KDM5A: variants seen among roughly 807,000 people sequenced by gnomAD.
The protein encoded by KDM5A is lysine-specific demethylase 5A.
KDM5A carries 42 observed loss-of-function variants against 193.5 expected under a neutral mutation model. The ratio of observed to expected loss-of-function variants is 0.22; its 90% CI spans 0.17 to 0.28. The LOEUF is 0.28. KDM5A is among the 10% of genes least tolerant of loss of function. The pLI, the probability that KDM5A is intolerant of heterozygous loss-of-function variation, is 1.00. For missense variants in KDM5A, 1,692 were observed against 2,055.1 expected, an observed-to-expected ratio of 0.82 and a Z score of 3.42; for synonymous variants, 796 against 718.1, an observed-to-expected ratio of 1.11 and a Z score of -1.73.
At chr12:388,903 C>A (rs1000067097) in intron 1 of KDM5A, 24 bp downstream of exon 1, 2 of 1,613,626 alleles carry the variant, frequency 1.2e-6, no homozygotes, top group Admixed American at 3.3e-5. Context: ...CCTTCTCCCC[C>A]TCTCTCTTCA....
At chr12:288,274 T>G (rs2137358407) in intron 27 of KDM5A, among the ~76,000 whole-genome samples, 1 of 152,302 alleles carries the variant, frequency 6.6e-6, no homozygotes, top group South Asian at 2.1e-4. Context: ...ACACAGAATT[T>G]GGATAACTGT....
chr12:371,514 C>T (rs1159025556), intron 3 of KDM5A, among the ~76,000 whole-genome samples: 1 of 152,056 alleles, frequency 6.6e-6, no homozygotes, highest in Non-Finnish European at 1.5e-5. Context: ...AGCCCTTTGT[C>T]AGATGAGTAG....
chr12:334,381 G>A lies in KDM5A; in HGVS notation c.1350C>T (p.Val450=). 6.2e-7 allele frequency: 1 copy of A among 1,613,962 alleles called. No homozygotes were observed. The highest frequency in any genetic ancestry group is 1.1e-5 in the South Asian group (1 of 91,084). ...LSGWNLNNMP[V]LEQSVLAHIN... ...TATGTGCAAGAACAGACTGTTCCAG[G>A]ACAGGCATGTTATTCAAATTCCAAC... The change falls in exon 11 of 28, where the codon GTC becomes GTT. Residue 450 remains valine (V), a synonymous_variant. Transcript: ENST00000399788.
At position 354,250 on chromosome 12, in the gene KDM5A, TAAATG is replaced by T. The variant is rs775460435; in HGVS notation, c.871-21_871-17del. 4.6e-6 allele frequency: 7 copies of T among 1,535,994 alleles called. No homozygotes were observed. Among genetic ancestry groups the T allele is most frequent in the Non-Finnish European group, 3.6e-6 (4 of 1,115,810 alleles). The stretch of plus-strand genomic sequence containing the variant: ...AGAGATCAACCTGTTAAAAAAAAAA[TAAATG>T]AAAGTCTATTTTCTATAATAAATAA... On this transcript the variant is annotated splice_polypyrimidine_tract_variant and intron_variant, in intron 7 of 27. Transcript: ENST00000399788.
At chr12:381,381 G>A (rs1944570977) in intron 3 of KDM5A, among the ~76,000 whole-genome samples, 1 of 151,978 alleles carries the variant, frequency 6.6e-6, no homozygotes, top group Non-Finnish European at 1.5e-5. Context: ...CAAAGTGCTG[G>A]GATTACAGGC....
chr12:323,270 C>T, intron 15 of KDM5A, 64 bp from the exon 16 acceptor site: 1 of 1,181,704 alleles, frequency 8.5e-7, no homozygotes, highest in Non-Finnish European at 1.1e-6. Flanking sequence ...CAAAAACCAA[C>T]AATAACTTAA....
At chr12:368,231 C>T (rs1944381449) in intron 3 of KDM5A, among the ~76,000 whole-genome samples, 1 of 152,080 alleles carries the variant, frequency 6.6e-6, no homozygotes, top group African/African-American at 2.4e-5. Flanking sequence ...AGACAGAAAG[C>T]ATAATAGAAG....
chr12:324,148 T>G (rs1943755889), intron 14 of KDM5A, among the ~76,000 whole-genome samples: 1 of 151,908 alleles, frequency 6.6e-6, no homozygotes, highest in African/African-American at 2.4e-5. Context: ...ACAAAAAAAT[T>G]TTTAAACATT....
At position 323,682 on chromosome 12, in the gene KDM5A, A is replaced by G; in HGVS notation, c.2068T>C (p.Cys690Arg). 1 of 1,614,180 alleles carries G rather than the reference A, an allele frequency of 6.2e-7. No individual in the cohort carries two copies. The highest frequency in any genetic ancestry group is 8.5e-7 in the Non-Finnish European group (1 of 1,179,988). ...ACAAGCCGCTCAGGATTACAGGAAC[A>G]TGTGAGAGCAGAGAGAAAACATGTG... ...RTTCFLSALT[C>R]SCNPERLVCL... Residue 690 changes from cysteine to arginine, a missense_variant, in exon 15 of 28, where the codon TGT (cysteine) becomes CGT (arginine). By Grantham distance (180) the Cys-to-Arg change is radical (BLOSUM62 -3). Transcript: ENST00000399788.
In KDM5A at chr12:281,283, T is replaced by C. The variant is rs1452715364; in HGVS notation, c.*4173A>G. 4.3e-6 allele frequency: 1 copy of C among 232,478 alleles called. No individual in the cohort carries two copies. The highest frequency in any genetic ancestry group is 2.2e-5 in the African/African-American group (1 of 45,142). 14.4% of individuals were successfully genotyped at this position (232,478 alleles called of 1,614,324 possible). A position where few individuals can be genotyped will look rare whatever the true frequency, so the allele number is the denominator to read the frequency against. On this transcript the variant is annotated 3_prime_UTR_variant, in exon 28 of 28. Transcript: ENST00000399788. ...ATGTAAGGGAATAATCAATAGGGAG[T>C]CTTGAGGTTTTACAAGACATTCCTG... is the stretch of plus-strand genomic sequence containing the variant.
rs768521651 is a variant in KDM5A at position 389,075 on chromosome 12, G to A, written c.17C>T (p.Pro6Leu). MAGVG[P>L]GGYAAEFVPP... is the part of the protein sequence containing the mutation. ...CACGAACTCCGCCGCGTAGCCCCCC[G>A]GCCCCACGCCCGCCATTGCAACGGC... The change falls in exon 1 of 28, where the codon CCG (proline) becomes CTG (leucine). Residue 6 changes from proline (P) to leucine (L), a missense_variant. By Grantham distance (98) the Pro-to-Leu change is moderately conservative. This residue lies in a region of KDM5A where 84 missense variants were observed against 68.2 expected (regional missense o/e 1.23). Coordinates refer to ENST00000399788, the MANE Select transcript of KDM5A (RefSeq NM_001042603.3). 27 of 1,387,022 alleles carry A rather than the reference G, an allele frequency of 1.9e-5. No individual in the cohort carries two copies. Among genetic ancestry groups the A allele is most frequent in the Non-Finnish European group, 2.7e-5 (27 of 1,004,376 alleles). The allele number at this position is 1,387,022 out of a possible 1,614,324, so 85.9% of individuals were successfully genotyped here. A position where few individuals can be genotyped will look rare whatever the true frequency, so the allele number is the denominator to read the frequency against.
At chr12:362,074 T>C (rs1944300203) in intron 5 of KDM5A, among the ~76,000 whole-genome samples, 1 of 152,158 alleles carries the variant, frequency 6.6e-6, no homozygotes, top group Admixed American at 6.5e-5. Flanking sequence ...CATTCCCATC[T>C]CTATACTACA....
At chr12:320,348 T>C (rs1158232797) in intron 18 of KDM5A, among the ~76,000 whole-genome samples, 1 of 151,996 alleles carries the variant, frequency 6.6e-6, no homozygotes, top group East Asian at 1.9e-4. Flanking sequence ...CTATAAAAAT[T>C]AGCTGGGCAT....
At chr12:303,868 G>A (rs1232972349) in intron 24 of KDM5A, among the ~76,000 whole-genome samples, 3 of 152,196 alleles carry the variant, frequency 2.0e-5, no homozygotes, top group Non-Finnish European at 2.9e-5. Flanking sequence ...ATTACAGTAA[G>A]TCTTCATGTA....
At chr12:310,333 C>A (rs1252813401) in intron 21 of KDM5A, among the ~76,000 whole-genome samples, 1 of 152,048 alleles carries the variant, frequency 6.6e-6, no homozygotes, top group African/African-American at 2.4e-5. Flanking sequence ...CGGAGAAATA[C>A]GATCTTTCAA....
intron 22 of KDM5A, among the ~76,000 whole-genome samples, chr12:309,338 T>A (rs1440301398): frequency 6.6e-6 from 1 of 152,262 alleles, no homozygotes; most frequent in African/African-American, 2.4e-5. Flanking sequence ...TCTCAGTGTT[T>A]AATATCAGAA....
rs1943607427 is a variant in KDM5A, at chr12:312,974, T to C, written c.3036+82A>G. 1.0e-5 allele frequency: 14 copies of C among 1,398,310 alleles called. No homozygotes were observed. In the South Asian group the frequency reaches 1.6e-4, roughly 16 times the overall value. 86.6% of individuals were successfully genotyped at this position (1,398,310 alleles called of 1,614,324 possible). On this transcript the variant is annotated intron_variant, in intron 20 of 27. Coordinates refer to ENST00000399788, the MANE Select transcript of KDM5A (RefSeq NM_001042603.3). ...GATCGTTTGTATTATGATTATTCTATTCTAAAGAATTAATAGTTTAAAAGA... is the reference window on the plus strand; with the variant it reads ...GATCGTTTGTATTATGATTATTCTACTCTAAAGAATTAATAGTTTAAAAGA...
At chr12:378,560 C>G (rs980974670) in intron 3 of KDM5A, among the ~76,000 whole-genome samples, 1 of 152,078 alleles carries the variant, frequency 6.6e-6, no homozygotes, top group African/African-American at 2.4e-5. Flanking sequence ...CCCACTATAC[C>G]CAGCCAAAGC....
intron 10 of KDM5A, among the ~76,000 whole-genome samples, chr12:344,940 C>G (rs998794549): frequency 1.3e-5 from 2 of 152,216 alleles, no homozygotes; most frequent in South Asian, 2.1e-4. Flanking sequence ...TGTAAATGGG[C>G]TAAATGCCCC....
Sources: gnomAD v4.1 joint callset for allele counts (sites outside exome capture counted in the v4.1 genomes callset) on GRCh38, gnomAD v4.1.1 for gene constraint, gnomAD v4.1.1 regional missense constraint, MANE v1.5 for transcripts, NCBI Gene and HGNC (gene_info 2026-07-23, HGNC 2026-07-21) for gene names.